Variants in ZNF708 observed in about 807,000 individuals in gnomAD.
The protein encoded by ZNF708 is ZNF15, ZNF15L1.
Under a neutral mutation model 47.0 loss-of-function variants are expected in ZNF708, and 44 were observed. That is an observed-to-expected ratio of 0.94 (90% CI 0.74 to 1.20). ZNF708 has a LOEUF of 1.20. Among genes scored for constraint, ZNF708 ranks in the 50% most tolerant of loss-of-function variants. ZNF708 has a pLI of 0.00. For missense variants in ZNF708, 557 were observed against 656.0 expected, an observed-to-expected ratio of 0.85 and a Z score of 1.65; for synonymous variants, 184 against 218.5, an observed-to-expected ratio of 0.84 and a Z score of 1.39.
At chr19:21,302,109 A>C (rs2145157684) in intron 3 of ZNF708, among the ~76,000 whole-genome samples, 1 of 152,260 alleles carries the variant, frequency 6.6e-6, no homozygotes, top group East Asian at 1.9e-4. Flanking sequence ...ACAAAGAGAA[A>C]TATTAAAATG....
intron 3 of ZNF708, chr19:21,307,068 TATAAA>T (rs1415445127): frequency 1.5e-4 from 14 of 95,308 alleles, no homozygotes; most frequent in East Asian, 3.6e-4. Context: ...TAAAATAAAA[TATAAA>T]ATAAAATAAA....
chr19:21,321,930 T>C (rs78467454), intron 1 of ZNF708, among the ~76,000 whole-genome samples: 23,682 of 151,934 alleles, frequency 0.16, 2,135 homozygotes, highest in Non-Finnish European at 0.21. Flanking sequence ...GCAATATAGA[T>C]GGAAGGACTG....
intron 3 of ZNF708, among the ~76,000 whole-genome samples, chr19:21,297,391 A>G (rs1424089801): frequency 6.8e-6 from 1 of 148,050 alleles, no homozygotes; most frequent in South Asian, 2.1e-4. Context: ...GGTGCAAATA[A>G]GGTTAATTTT....
intron 3 of ZNF708, 97 bp downstream of exon 3, chr19:21,309,149 T>C: frequency 5.0e-6 from 6 of 1,210,958 alleles, no homozygotes; most frequent in Non-Finnish European, 6.8e-6. Flanking sequence ...CTAGAAACTT[T>C]GGAACACAGA....
intron 3 of ZNF708, among the ~76,000 whole-genome samples, chr19:21,299,522 A>G (rs2619823): frequency 0.95 from 144,678 of 152,060 alleles, 69,084 homozygotes; most frequent in Middle Eastern, 1. Flanking sequence ...AGGCTGAGAC[A>G]GATGGGTCAC....
At chr19:21,314,303 G>T (rs983779532) in intron 1 of ZNF708, among the ~76,000 whole-genome samples, 1 of 152,046 alleles carries the variant, frequency 6.6e-6, no homozygotes, top group Non-Finnish European at 1.5e-5. Context: ...TCTAGCCACT[G>T]CCCTGTCAAT....
chr19:21,305,232 A>G (rs1972736381), intron 3 of ZNF708, among the ~76,000 whole-genome samples: 1 of 151,346 alleles, frequency 6.6e-6, no homozygotes, highest in Non-Finnish European at 1.5e-5. Context: ...GATGGTCTCG[A>G]TCTCTTGACC....
In ZNF708 at chr19:21,293,052, TAA is replaced by T; in HGVS notation, c.*220_*221del. ...CCAGCTTTGTAGTTTCTCTCCAGTTTAAGTTTTTTTATGTTTAGTAAGATTTA... is the reference window on the plus strand; with the variant it reads ...CCAGCTTTGTAGTTTCTCTCCAGTTTGTTTTTTTATGTTTAGTAAGATTTA... On this transcript the variant is annotated 3_prime_UTR_variant, in exon 4 of 4. Coordinates refer to ENST00000356929, the MANE Select transcript of ZNF708 (RefSeq NM_021269.3). 1.8e-6 allele frequency: 1 copy of T among 561,006 alleles called. No homozygotes were observed. Among genetic ancestry groups the T allele is most frequent in the Non-Finnish European group, 3.0e-6 (1 of 330,794 alleles). 34.8% of individuals were successfully genotyped at this position (561,006 alleles called of 1,614,324 possible).
rs747177189 is a variant in ZNF708 at position 21,294,011 on chromosome 19, G to A, written c.955C>T (p.Leu319=). The change falls in exon 4 of 4, where the codon CTA becomes TTA. Residue 319 remains leucine (L), a synonymous_variant. Transcript: ENST00000356929. ...KCGECGKAFT[L]SSHLTTHKRI... ...TTATGTGTAGTAAGGTGTGAAGATAGGGTAAAGGCTTTGCCACATTCTCCA... is the reference window on the plus strand; with the variant it reads ...TTATGTGTAGTAAGGTGTGAAGATAAGGTAAAGGCTTTGCCACATTCTCCA... The A allele has an allele frequency of 1.2e-6, 2 of 1,608,182 alleles. No individual in the cohort carries two copies. The highest frequency in any genetic ancestry group is 1.7e-6 in the Non-Finnish European group (2 of 1,178,048).
At chr19:21,315,479 G>A (rs189263260) in intron 1 of ZNF708, among the ~76,000 whole-genome samples, 6 of 152,270 alleles carry the variant, frequency 3.9e-5, no homozygotes, top group East Asian at 1.9e-4. Context: ...CTCAGAGGCC[G>A]CTCTGGCACG....
intron 3 of ZNF708, among the ~76,000 whole-genome samples, chr19:21,300,637 T>C (rs755159197): frequency 3.9e-5 from 6 of 152,062 alleles, no homozygotes; most frequent in Non-Finnish European, 7.4e-5. Context: ...GAGTTAATCA[T>C]TGTCATATAC....
intron 1 of ZNF708, among the ~76,000 whole-genome samples, chr19:21,322,285 CT>C (rs893654737): frequency 1.3e-5 from 2 of 150,008 alleles, no homozygotes; most frequent in Non-Finnish European, 3.0e-5. Flanking sequence ...AGCTCATATT[CT>C]TTTTTTTTCT....
At chr19:21,305,421 C>T (rs1207703256) in intron 3 of ZNF708, among the ~76,000 whole-genome samples, 1 of 151,698 alleles carries the variant, frequency 6.6e-6, no homozygotes, top group East Asian at 1.9e-4. Flanking sequence ...ACCCTAATCA[C>T]ACAGTTTTTT....
chr19:21,310,749 T>A (rs943927134), intron 1 of ZNF708, 122 bp from the exon 2 acceptor site: 2 of 720,544 alleles, frequency 2.8e-6, no homozygotes, highest in Non-Finnish European at 4.0e-6. Context: ...TGACTGAAAT[T>A]ATCCAATAAA....
chr19:21,324,055 T>G (rs1222702937), intron 1 of ZNF708, among the ~76,000 whole-genome samples: 1 of 146,112 alleles, frequency 6.8e-6, no homozygotes, highest in Non-Finnish European at 1.5e-5. Context: ...CTGGCTAACA[T>G]GGTGAAACGT....
At position 21,310,592 on chromosome 19, in the gene ZNF708, G is replaced by T. The variant is rs368035635; in HGVS notation, c.39C>A (p.Phe13Leu). The change falls in exon 2 of 4, where the codon TTC (phenylalanine) becomes TTA (leucine). Residue 13 changes from phenylalanine to leucine, a missense_variant. Transcript: ENST00000356929. ...CCAGGCACTGCCACTCCTCCAGAGA[G>T]AATTCTATGGCCACATCCATAAATG... ...PLTFMDVAIE[F>L]SLEEWQCLDT... 1.8e-5 allele frequency: 28 copies of T among 1,549,146 alleles called. No individual in the cohort carries two copies. The African/African-American group carries it at 3.5e-4, about 19-fold the overall frequency.
chr19:21,311,575 C>T (rs1023300938), intron 1 of ZNF708, among the ~76,000 whole-genome samples: 33 of 151,824 alleles, frequency 2.2e-4, no homozygotes, highest in African/African-American at 7.7e-4. Flanking sequence ...ATATCTTTCC[C>T]GTTTTAATTT....
At chr19:21,303,057 G>A (rs1256738003) in intron 3 of ZNF708, among the ~76,000 whole-genome samples, 1 of 152,064 alleles carries the variant, frequency 6.6e-6, no homozygotes, top group Admixed American at 6.6e-5. Context: ...AGATCAGCCT[G>A]AGCAACATCT....
intron 1 of ZNF708, among the ~76,000 whole-genome samples, chr19:21,317,238 C>T (rs1973034492): frequency 6.6e-6 from 1 of 152,048 alleles, no homozygotes; most frequent in Non-Finnish European, 1.5e-5. Context: ...TAAGATCATG[C>T]CACTGCACTC....
Sources: allele counts gnomAD v4.1 joint callset (sites outside exome capture counted in the v4.1 genomes callset), GRCh38; gene constraint gnomAD v4.1.1; transcripts MANE v1.5; gene names NCBI Gene and HGNC (gene_info 2026-07-23, HGNC 2026-07-21).